The following SLC9A4 variants were observed in gnomAD, a reference collection of about 807,000 sequenced individuals.
SLC9A4 encodes the protein sodium/hydrogen exchanger 4.
In SLC9A4, 63 loss-of-function variants were observed where a neutral mutation model predicts 67.4. That is an observed-to-expected ratio of 0.93 (90% CI 0.76 to 1.15). SLC9A4 has a LOEUF of 1.15. SLC9A4 is among the 50% of genes most tolerant of loss of function. The probability of loss-of-function intolerance (pLI) is 0.00; values close to 1 mark genes in which losing one functional copy is unlikely to be tolerated. For synonymous variants in SLC9A4, 393 were observed against 367.2 expected, an observed-to-expected ratio of 1.07 and a Z score of -0.80; for missense variants, 1,089 against 987.7, an observed-to-expected ratio of 1.10 and a Z score of -1.38.
rs768095024 is a variant in SLC9A4 at position 102,505,359 on chromosome 2, C to T, written c.1086C>T (p.Ser362=). Residue 362 remains serine, a synonymous_variant, in exon 4 of 12, where the codon AGC becomes AGT. Coordinates refer to ENST00000295269, the MANE Select transcript of SLC9A4 (RefSeq NM_001011552.4). ...KYFMKMLSSV[S]ETLIFIFMGV... is the part of the protein sequence containing the mutation. Reference sequence around the variant, plus strand: ...TCATGAAGATGCTGAGCAGCGTCAGCGAGACCTTGATCTTCATCTTCATGG... The same window carrying T: ...TCATGAAGATGCTGAGCAGCGTCAGTGAGACCTTGATCTTCATCTTCATGG... The T allele has an allele frequency of 6.2e-6, 10 of 1,614,094 alleles. No homozygotes were observed. The highest frequency in any genetic ancestry group is 1.1e-5 in the South Asian group (1 of 91,094).
At chr2:102,481,700 T>A (rs541950108) in intron 2 of SLC9A4, among the ~76,000 whole-genome samples, 21 of 152,262 alleles carry the variant, frequency 1.4e-4, no homozygotes, top group East Asian at 1.3e-3. Flanking sequence ...ATTATTTAAA[T>A]TTTTTTAGAT....
intron 8 of SLC9A4, among the ~76,000 whole-genome samples, chr2:102,514,977 G>A (rs1308898105): frequency 6.6e-6 from 1 of 152,134 alleles, no homozygotes; most frequent in Non-Finnish European, 1.5e-5. Context: ...CCCAAGAGCT[G>A]GCTAAATACT....
At chr2:102,485,272 T>C (rs1049925171) in intron 2 of SLC9A4, among the ~76,000 whole-genome samples, 1 of 152,230 alleles carries the variant, frequency 6.6e-6, no homozygotes, top group African/African-American at 2.4e-5. Context: ...GTTTATTCTA[T>C]GCAGCTCAGT....
At chr2:102,521,157 G>C (rs967082065) in intron 9 of SLC9A4, among the ~76,000 whole-genome samples, 1 of 152,154 alleles carries the variant, frequency 6.6e-6, no homozygotes, top group African/African-American at 2.4e-5. Flanking sequence ...TAGGGTACCT[G>C]GTACTCAGCC....
chr2:102,532,340 C>A lies in SLC9A4; in HGVS notation c.2049C>A (p.Ser683Arg). Residue 683 changes from serine to arginine, a missense_variant, in exon 12 of 12, where the codon AGC becomes AGA. By Grantham distance (110) the Ser-to-Arg change is moderately radical. Transcript: ENST00000295269. The stretch of plus-strand genomic sequence containing the variant: ...ATGATGTTTTCCTAGATGATGACAG[C>A]AGTGATCCAGGATCCCCATCCATCA... ...TRAAGFSDDDSSDPGSPSITF... is the reference protein window; with the variant it reads ...TRAAGFSDDDRSDPGSPSITF... 1.9e-6 allele frequency: 3 copies of A among 1,612,528 alleles called. No individual in the cohort carries two copies. The highest frequency in any genetic ancestry group is 2.5e-6 in the Non-Finnish European group (3 of 1,179,008).
At chr2:102,531,792 G>A (rs372839718) in intron 11 of SLC9A4, among the ~76,000 whole-genome samples, 1 of 152,160 alleles carries the variant, frequency 6.6e-6, no homozygotes, top group Non-Finnish European at 1.5e-5. Context: ...CCTCTGAAAG[G>A]AGGGCATCCG....
intron 11 of SLC9A4, among the ~76,000 whole-genome samples, chr2:102,531,086 G>A (rs1364507972): frequency 2.6e-5 from 3 of 116,860 alleles, no homozygotes; most frequent in Non-Finnish European, 5.0e-5. Context: ...TTTTTGAGAC[G>A]GAGTCTTGCT....
chr2:102,514,768 C>T (rs1273197507), intron 8 of SLC9A4, among the ~76,000 whole-genome samples: 10 of 152,060 alleles, frequency 6.6e-5, no homozygotes, highest in Non-Finnish European at 1.5e-4. Flanking sequence ...GCATCTAAGG[C>T]GAAGGTCTAC....
At chr2:102,507,398 CCTAGGTTATGTGAGCCG>C (rs1213727302) in intron 4 of SLC9A4, among the ~76,000 whole-genome samples, 1 of 152,110 alleles carries the variant, frequency 6.6e-6, no homozygotes, top group African/African-American at 2.4e-5. Context: ...ATTGGTGGTA[CCTAGGTTATGTGAGCCG>C]CTTGGGGATG....
intron 2 of SLC9A4, among the ~76,000 whole-genome samples, chr2:102,493,928 G>A (rs899162608): frequency 6.6e-6 from 1 of 151,830 alleles, no homozygotes; most frequent in Non-Finnish European, 1.5e-5. Context: ...GACTTCTTGA[G>A]GGTCTGTCTA....
In SLC9A4 at chr2:102,532,655, C is replaced by G. The variant is rs764264654; in HGVS notation, c.2364C>G (p.His788Gln). Residue 788 changes from histidine to glutamine, a missense_variant, in exon 12 of 12, where the codon CAC becomes CAG. By Grantham distance (24) the His-to-Gln change is conservative. Coordinates refer to ENST00000295269, the MANE Select transcript of SLC9A4 (RefSeq NM_001011552.4). ...TADHGHGRDH[H>Q]RSHSPLLQKK The stretch of plus-strand genomic sequence containing the variant: ...ACCATGGACACGGCAGGGACCATCA[C>G]AGGTCCCATAGTCCTTTGCTCCAAA... The G allele has an allele frequency of 6.2e-6, 10 of 1,613,972 alleles. No individual in the cohort carries two copies. Among genetic ancestry groups the G allele is most frequent in the Non-Finnish European group, 8.5e-6 (10 of 1,179,984 alleles).
chr2:102,480,360 G>GC (rs1014921876), intron 2 of SLC9A4, among the ~76,000 whole-genome samples: 2 of 143,988 alleles, frequency 1.4e-5, no homozygotes, highest in Non-Finnish European at 3.1e-5. Flanking sequence ...TCCGTGTCTT[G>GC]TTTTTTTTTT....
intron 11 of SLC9A4, 71 bp downstream of exon 11, chr2:102,526,417 C>A: frequency 7.2e-7 from 1 of 1,380,210 alleles, no homozygotes; most frequent in Non-Finnish European, 1.0e-6. Context: ...GGGTGTGGGC[C>A]AAGAGGCAAC....
chr2:102,515,129 A>G (rs1175288548), intron 8 of SLC9A4, among the ~76,000 whole-genome samples: 1 of 152,088 alleles, frequency 6.6e-6, no homozygotes, highest in African/African-American at 2.4e-5. Flanking sequence ...TAGGATAAGG[A>G]ACATGGGCCC....
At chr2:102,480,820 C>T (rs998417613) in intron 2 of SLC9A4, among the ~76,000 whole-genome samples, 2 of 152,180 alleles carry the variant, frequency 1.3e-5, no homozygotes, top group African/African-American at 4.8e-5. Context: ...ATGAGACTGA[C>T]AACAGTTTAT....
At chr2:102,501,288 A>ATT (rs113535579) in intron 2 of SLC9A4, among the ~76,000 whole-genome samples, 1 of 151,598 alleles carries the variant, frequency 6.6e-6, no homozygotes, top group African/African-American at 2.4e-5. Flanking sequence ...TGGCTGGCTA[A>ATT]ATTTTGTATT....
At position 102,532,914 on chromosome 2, in the gene SLC9A4, G is replaced by C. The variant is rs182492434; in HGVS notation, c.*226G>C. 1,123 of 452,048 alleles carry C rather than the reference G, an allele frequency of 2.5e-3. 3 individuals carry two copies. Among genetic ancestry groups the C allele is most frequent in the Non-Finnish European group, 2.8e-3 (710 of 253,026 alleles). The allele number at this position is 452,048 out of a possible 1,614,324, so 28.0% of individuals were successfully genotyped here. On this transcript the variant is annotated 3_prime_UTR_variant, in exon 12 of 12. Coordinates refer to ENST00000295269, the MANE Select transcript of SLC9A4 (RefSeq NM_001011552.4). Reference sequence around the variant, plus strand: ...GTACCTTTAGATGAATTCCCTGTGAGTGAGAGAAGTTGATCACCCCAGGAA... The same window carrying C: ...GTACCTTTAGATGAATTCCCTGTGACTGAGAGAAGTTGATCACCCCAGGAA...
At chr2:102,507,924 A>G (rs1168389587) in intron 4 of SLC9A4, among the ~76,000 whole-genome samples, 155 bp from the exon 5 acceptor site, 1 of 152,224 alleles carries the variant, frequency 6.6e-6, no homozygotes. Flanking sequence ...GTGAGAAGCC[A>G]TAAAAGATAC....
intron 1 of SLC9A4, among the ~76,000 whole-genome samples, chr2:102,477,857 G>C (rs1684366024): frequency 1.3e-5 from 2 of 152,164 alleles, no homozygotes; most frequent in Admixed American, 1.3e-4. Context: ...GGTCTCCTGA[G>C]CTCTGAACTC....
Sources: gnomAD v4.1 joint callset for allele counts (sites outside exome capture counted in the v4.1 genomes callset) on GRCh38, gnomAD v4.1.1 for gene constraint, MANE v1.5 for transcripts, NCBI Gene and HGNC (gene_info 2026-07-23, HGNC 2026-07-21) for gene names.